The following CLCA1 variants were observed in gnomAD, a reference collection of about 807,000 sequenced individuals.
CLCA1 encodes calcium-activated chloride channel regulator 1.
Under a neutral mutation model 85.6 loss-of-function variants are expected in CLCA1, and 59 were observed. That is an observed-to-expected ratio of 0.69 (90% CI 0.56 to 0.86). CLCA1 has a LOEUF of 0.86. CLCA1 is among the 40% of genes least tolerant of loss of function. The pLI is 0.00. For missense variants in CLCA1, 1,022 were observed against 1,101.4 expected (o/e 0.93, Z 1.02); for synonymous variants, 396 against 398.3 (o/e 0.99, Z 0.07).
rs1186604931 is a variant in CLCA1 at position 86,473,498 on chromosome 1, C to A, written c.244C>A (p.Pro82Thr). 1 of 1,611,414 alleles carries A rather than the reference C, an allele frequency of 6.2e-7. No individual in the cohort carries two copies. Among genetic ancestry groups the A allele is most frequent in the East Asian group, 2.2e-5 (1 of 44,842 alleles). ...TTTCAAAAATGTTGCCATTTTGATTCCTGAAACATGGAAGACAAAGGCTGA... is the reference window on the plus strand; with the variant it reads ...TTTCAAAAATGTTGCCATTTTGATTACTGAAACATGGAAGACAAAGGCTGA... ...FYFKNVAILI[P>T]ETWKTKADYV... Residue 82 changes from proline to threonine, a missense_variant, in exon 2 of 14, where the codon CCT becomes ACT. Transcript: ENST00000394711.
intron 6 of CLCA1, among the ~76,000 whole-genome samples, chr1:86,485,854 T>G (rs1647951071): frequency 6.6e-6 from 1 of 152,182 alleles, no homozygotes; most frequent in Non-Finnish European, 1.5e-5. Flanking sequence ...TCCATAGTCT[T>G]ATATATTAGT....
chr1:86,490,521 C>T (rs1416801078), intron 8 of CLCA1, among the ~76,000 whole-genome samples: 1 of 152,074 alleles, frequency 6.6e-6, no homozygotes, highest in African/African-American at 2.4e-5. Context: ...TGTGCCTTTC[C>T]TCATTTAGAA....
chr1:86,483,575 T>C (rs996623057), intron 5 of CLCA1, among the ~76,000 whole-genome samples: 1 of 152,130 alleles, frequency 6.6e-6, no homozygotes, highest in African/African-American at 2.4e-5. Flanking sequence ...AAGTGTTATA[T>C]GACATAAGAA....
chr1:86,489,197 G>T (rs5744379), intron 8 of CLCA1, 27 bp downstream of exon 8: 34 of 1,602,414 alleles, frequency 2.1e-5, no homozygotes, highest in Non-Finnish European at 2.7e-5. Context: ...TGAGACCCCC[G>T]GTATTGTCTC....
At chr1:86,476,685 T>C (rs770585923) in intron 4 of CLCA1, 132 bp downstream of exon 4, 60 of 511,728 alleles carry the variant, frequency 1.2e-4, no homozygotes, top group Non-Finnish European at 1.9e-4. Flanking sequence ...GCCTTCTTTT[T>C]CAGATTTCCA....
chr1:86,482,183 T>A (rs779969713), intron 4 of CLCA1, 22 bp from the exon 5 acceptor site: 4 of 1,598,808 alleles, frequency 2.5e-6, no homozygotes, highest in South Asian at 1.1e-5. Context: ...CACCTAAACA[T>A]CTAACCTTCC....
chr1:86,495,758 G>T, intron 12 of CLCA1, 83 bp downstream of exon 12: 1 of 1,268,092 alleles, frequency 7.9e-7, no homozygotes, highest in Non-Finnish European at 1.1e-6. Context: ...GGGCAGAATG[G>T]TGCATGATTA....
At chr1:86,489,382 T>G (rs182426770) in intron 8 of CLCA1, among the ~76,000 whole-genome samples, 1 of 152,160 alleles carries the variant, frequency 6.6e-6, no homozygotes, top group South Asian at 2.1e-4. Context: ...CTGGAGAAGA[T>G]GGAACTAGCA....
At chr1:86,474,453 C>A (rs953162604) in intron 3 of CLCA1, among the ~76,000 whole-genome samples, 1 of 151,574 alleles carries the variant, frequency 6.6e-6, no homozygotes, top group Non-Finnish European at 1.5e-5. Context: ...ATTTGGGAGG[C>A]TGAGGCAGGA....
chr1:86,485,325 T>A lies in CLCA1; in HGVS notation c.736-18T>A. On this transcript the variant is annotated intron_variant, in intron 5 of 13. Transcript: ENST00000394711. ...ACATAGTTTACCATTATCTATATAA[T>A]TTCATTGACAATTTCAGATAGTTGA... The A allele has an allele frequency of 6.4e-7, 1 of 1,570,408 alleles. No homozygotes were observed. The highest frequency in any genetic ancestry group is 8.8e-7 in the Non-Finnish European group (1 of 1,141,398).
intron 11 of CLCA1, among the ~76,000 whole-genome samples, chr1:86,494,703 G>A (rs1191416752): frequency 6.6e-6 from 1 of 152,070 alleles, no homozygotes; most frequent in Non-Finnish European, 1.5e-5. Flanking sequence ...TTGCCATAGG[G>A]TATTCCACAA....
chr1:86,491,144 T>C, intron 8 of CLCA1, 121 bp from the exon 9 acceptor site: 1 of 584,826 alleles, frequency 1.7e-6, no homozygotes, highest in Non-Finnish European at 3.0e-6. Context: ...TTGATGTTGA[T>C]CTATTTATAC....
chr1:86,498,637 T>A lies in CLCA1; in HGVS notation c.2179T>A (p.Cys727Ser). Residue 727 changes from cysteine to serine, a missense_variant, in exon 13 of 14, where the codon TGT becomes AGT. Physicochemically the swap from Cys to Ser is moderately radical, Grantham distance 112. Transcript: ENST00000394711. ...NKDDVQHKQVCFSRTSSGGSF... is the reference protein window; with the variant it reads ...NKDDVQHKQVSFSRTSSGGSF... ...GGATGATGTTCAACACAAGCAAGTG[T>A]GTTTCAGCAGAACATCCTCGGGAGG... 6.2e-7 allele frequency: 1 copy of A among 1,613,908 alleles called. No individual in the cohort carries two copies. The highest frequency in any genetic ancestry group is 8.5e-7 in the Non-Finnish European group (1 of 1,179,958).
At chr1:86,495,757 G>C (rs935523247) in intron 12 of CLCA1, 82 bp downstream of exon 12, 2 of 1,271,540 alleles carry the variant, frequency 1.6e-6, no homozygotes, top group Non-Finnish European at 1.1e-6. Flanking sequence ...GGGGCAGAAT[G>C]GTGCATGATT....
chr1:86,488,383 A>C (rs1570286675), intron 7 of CLCA1, among the ~76,000 whole-genome samples: 1 of 152,230 alleles, frequency 6.6e-6, no homozygotes, highest in African/African-American at 2.4e-5. Flanking sequence ...AAAATAAATA[A>C]ATAATCCAAA....
At position 86,494,202 on chromosome 1, in the gene CLCA1, T is replaced by C; in HGVS notation, c.1696T>C (p.Tyr566His). ...TTTTGGTCAGGTTGGCACTTGGAAA[T>C]ACAGTCTGCAAGCAAGCTCACAAAC... is the stretch of plus-strand genomic sequence containing the variant. ...PGIAKVGTWK[Y>H]SLQASSQTLT... The change falls in exon 11 of 14, where the codon TAC (tyrosine) becomes CAC (histidine). Residue 566 changes from tyrosine to histidine, a missense_variant. Transcript: ENST00000394711. 6.2e-7 allele frequency: 1 copy of C among 1,614,224 alleles called. No homozygotes were observed. The highest frequency in any genetic ancestry group is 1.3e-5 in the African/African-American group (1 of 75,058).
intron 5 of CLCA1, among the ~76,000 whole-genome samples, chr1:86,483,408 A>G (rs1419392350): frequency 1.3e-5 from 2 of 152,192 alleles, no homozygotes; most frequent in Admixed American, 6.5e-5. Context: ...TGTACAACTA[A>G]TGATTACTTT....
chr1:86,491,814 TG>T (rs1648141385), intron 9 of CLCA1, among the ~76,000 whole-genome samples: 1 of 152,178 alleles, frequency 6.6e-6, no homozygotes, highest in Admixed American at 6.5e-5. Context: ...GGACAGAAAG[TG>T]CTTTGTACTG....
chr1:86,486,685 G>T lies in CLCA1; in HGVS notation c.1114G>T (p.Ala372Ser). Residue 372 changes from alanine to serine, a missense_variant, in exon 7 of 14, where the codon GCC (alanine) becomes TCC (serine). Physicochemically the swap from Ala to Ser is moderately conservative, Grantham distance 99. Transcript: ENST00000394711. ...CAGTGGCAGTGACAGGGACACACTC[G>T]CCAAAAGATTACCTGCAGCAGCTTC... ...INSGSDRDTL[A>S]KRLPAAASGG... The T allele has an allele frequency of 6.2e-7, 1 of 1,614,110 alleles. No homozygotes were observed. Among genetic ancestry groups the T allele is most frequent in the Non-Finnish European group, 8.5e-7 (1 of 1,180,022 alleles).
Sources: allele counts gnomAD v4.1 joint callset (sites outside exome capture counted in the v4.1 genomes callset), GRCh38; gene constraint gnomAD v4.1.1; transcripts MANE v1.5; gene names NCBI Gene and HGNC (gene_info 2026-07-23, HGNC 2026-07-21).